Variants in CNTLN observed in about 807,000 individuals in gnomAD.
CNTLN encodes the protein centlein.
CNTLN carries 212 observed loss-of-function variants against 180.0 expected under a neutral mutation model. The observed-to-expected ratio is 1.18, with a 90% CI of 1.05 to 1.32. The LOEUF (loss-of-function observed/expected upper bound fraction) is 1.32. Among genes scored for constraint, CNTLN ranks in the 40% most tolerant of loss-of-function variants. The pLI, the probability that CNTLN is intolerant of heterozygous loss-of-function variation, is 0.00. For missense variants in CNTLN, 2,095 were observed against 1,610.9 expected (o/e 1.30, Z -5.14); for synonymous variants, 722 against 563.1 (o/e 1.28, Z -3.99).
intron 18 of CNTLN, among the ~76,000 whole-genome samples, chr9:17,419,900 T>C (rs930829690): frequency 2.4e-4 from 36 of 152,150 alleles, no homozygotes; most frequent in African/African-American, 8.2e-4. Flanking sequence ...TACAGTGTTA[T>C]TTTTATTGTA....
At chr9:17,492,975 G>C (rs959844761) in intron 25 of CNTLN, among the ~76,000 whole-genome samples, 8 of 152,122 alleles carry the variant, frequency 5.3e-5, no homozygotes, top group African/African-American at 1.9e-4. Context: ...AGTGAAATAA[G>C]TCAAACACAA....
chr9:17,452,112 T>C (rs1225552306), intron 18 of CNTLN, among the ~76,000 whole-genome samples: 2 of 151,268 alleles, frequency 1.3e-5, no homozygotes, highest in Non-Finnish European at 2.9e-5. Flanking sequence ...GACATCAAGA[T>C]CAGAGAGTAT....
At chr9:17,312,367 T>TTATATATATATATATA (rs1819226089) in intron 8 of CNTLN, among the ~76,000 whole-genome samples, 2 of 10,956 alleles carry the variant, frequency 1.8e-4, no homozygotes, top group Non-Finnish European at 5.6e-4. Flanking sequence ...ATATATATTA[T>TTATATATATATATATA]ATATATATAT....
intron 13 of CNTLN, among the ~76,000 whole-genome samples, chr9:17,379,676 C>T (rs1199654945): frequency 6.6e-6 from 1 of 152,114 alleles, no homozygotes; most frequent in Non-Finnish European, 1.5e-5. Flanking sequence ...CTCCCTCTAA[C>T]TTACTTTTCT....
At chr9:17,520,698 T>G in the CNTLN span, among the ~76,000 whole-genome samples, 1 of 152,246 alleles carries the variant, frequency 6.6e-6, no homozygotes, top group African/African-American at 2.4e-5. Flanking sequence ...GCTAAAATTA[T>G]GAATTCAGTT....
chr9:17,487,706 G>C (rs1832961861), intron 25 of CNTLN, among the ~76,000 whole-genome samples: 1 of 152,162 alleles, frequency 6.6e-6, no homozygotes, highest in African/African-American at 2.4e-5. Context: ...GCCAAGACGA[G>C]TTGAAATCCC....
At chr9:17,487,210 A>G in intron 25 of CNTLN, 144 bp downstream of exon 25, 1 of 665,186 alleles carries the variant, frequency 1.5e-6, no homozygotes. Context: ...GGTAGAAAGG[A>G]AAGTTAACCC....
At chr9:17,370,067 C>T (rs1824180916) in intron 13 of CNTLN, among the ~76,000 whole-genome samples, 2 of 150,716 alleles carry the variant, frequency 1.3e-5, no homozygotes. Context: ...AATGAAATAG[C>T]CTCAAAAGGG....
At chr9:17,353,994 C>T (rs1003395132) in intron 12 of CNTLN, among the ~76,000 whole-genome samples, 6 of 152,136 alleles carry the variant, frequency 3.9e-5, no homozygotes, top group African/African-American at 7.2e-5. Flanking sequence ...GCTGGAGTTT[C>T]GGGTGGGCGT....
intron 25 of CNTLN, among the ~76,000 whole-genome samples, chr9:17,488,411 G>A (rs1392004373): frequency 1.3e-5 from 2 of 152,064 alleles, no homozygotes; most frequent in East Asian, 1.9e-4. Flanking sequence ...AATAATGATT[G>A]TAATGAGGTT....
At chr9:17,140,449 T>G (rs559050063) in intron 1 of CNTLN, among the ~76,000 whole-genome samples, 2 of 152,272 alleles carry the variant, frequency 1.3e-5, no homozygotes, top group South Asian at 4.1e-4. Flanking sequence ...TTATGTTTTT[T>G]TCTTTGTTTT....
intron 2 of CNTLN, among the ~76,000 whole-genome samples, chr9:17,219,473 C>G (rs1474336250): frequency 6.6e-6 from 1 of 152,004 alleles, no homozygotes; most frequent in Non-Finnish European, 1.5e-5. Flanking sequence ...AGCTGCTAGA[C>G]AAATTGCCAT....
intron 13 of CNTLN, among the ~76,000 whole-genome samples, chr9:17,369,401 C>G (rs532929335): frequency 2.0e-5 from 3 of 152,006 alleles, no homozygotes; most frequent in Non-Finnish European, 4.4e-5. Context: ...ACCAAGAAAA[C>G]ATGACTTCAT....
At position 17,316,584 on chromosome 9, in the gene CNTLN, G is replaced by T. The variant is rs575533082; in HGVS notation, c.1341+7332G>T. Among the ~76,000 whole-genome samples the T allele has an allele frequency of 1.2e-4, 18 of 152,114 alleles. No homozygotes were observed. In the South Asian group the frequency reaches 3.5e-3, roughly 30 times the overall value. ...TCAAGGAGTGTACTGAATGCATATT[G>T]CTTTCACACCATTGTAAAGTTGAAA... On this transcript the variant is annotated intron_variant, in intron 8 of 25. Transcript: ENST00000380647.
rs1340601386 is a variant in CNTLN at position 17,409,316 on chromosome 9, C to T, written c.2639C>T (p.Ser880Phe). The T allele has an allele frequency of 5.0e-6, 8 of 1,612,600 alleles. No homozygotes were observed. The Admixed American group carries it at 6.7e-5, about 13-fold the overall frequency. The change falls in exon 16 of 26, where the codon TCT becomes TTT. Residue 880 changes from serine to phenylalanine, a missense_variant. Coordinates refer to ENST00000380647, the MANE Select transcript of CNTLN (RefSeq NM_017738.4). ...ESSSDSEAQT[S>F]QTLGTIIVET... Reference sequence around the variant, plus strand: ...AGCAGTGATTCTGAAGCACAGACCTCTCAAACTTTGGGAACAATTATTGTA... The same window carrying T: ...AGCAGTGATTCTGAAGCACAGACCTTTCAAACTTTGGGAACAATTATTGTA...
intron 12 of CNTLN, among the ~76,000 whole-genome samples, chr9:17,356,816 A>G (rs1332631437): frequency 6.6e-6 from 1 of 152,140 alleles, no homozygotes; most frequent in African/African-American, 2.4e-5. Context: ...ATTAATATGA[A>G]GATAAAGCTC....
intron 2 of CNTLN, among the ~76,000 whole-genome samples, chr9:17,176,990 T>A (rs1227133472): frequency 6.6e-6 from 1 of 152,256 alleles, no homozygotes; most frequent in Non-Finnish European, 1.5e-5. Flanking sequence ...GCTAGAAGTT[T>A]TTGCAAAGTA....
At chr9:17,379,333 G>T (rs1408698247) in intron 13 of CNTLN, among the ~76,000 whole-genome samples, 3 of 151,934 alleles carry the variant, frequency 2.0e-5, no homozygotes, top group African/African-American at 7.3e-5. Context: ...AAGACTTAAG[G>T]TTCTCAGGTC....
intron 1 of CNTLN, among the ~76,000 whole-genome samples, chr9:17,139,148 T>G (rs975800870): frequency 1.3e-5 from 2 of 152,086 alleles, no homozygotes; most frequent in African/African-American, 4.8e-5. Flanking sequence ...GGTGCAGTGG[T>G]GCAATATGGG....
Sources: allele counts gnomAD v4.1 joint callset (sites outside exome capture counted in the v4.1 genomes callset), GRCh38; gene constraint gnomAD v4.1.1; transcripts MANE v1.5; gene names NCBI Gene and HGNC (gene_info 2026-07-23, HGNC 2026-07-21).